Variants in SPMIP2 observed in about 807,000 individuals in gnomAD.
SPMIP2 encodes sperm microtubule inner protein 2, also known as protein SPMIP2.
the SPMIP2 span, among the ~76,000 whole-genome samples, chr4:159,015,621 T>C: frequency 6.6e-6 from 1 of 152,244 alleles, no homozygotes; most frequent in Non-Finnish European, 1.5e-5. Context: ...TCTATTCTAT[T>C]AGAAAAAAGA....
the SPMIP2 span, among the ~76,000 whole-genome samples, chr4:159,080,330 C>T: frequency 6.6e-6 from 1 of 152,100 alleles, no homozygotes; most frequent in South Asian, 2.1e-4. Flanking sequence ...GATCCTCCCA[C>T]CTCCACCTCC....
chr4:158,953,479 G>C, the SPMIP2 span, among the ~76,000 whole-genome samples: 2 of 152,250 alleles, frequency 1.3e-5, no homozygotes, highest in African/African-American at 4.8e-5. Context: ...CTGCAGGGGT[G>C]GGGTGCTCAT....
chr4:158,895,731 A>G, the SPMIP2 span: 4 of 1,491,926 alleles, frequency 2.7e-6, no homozygotes, highest in African/African-American at 1.4e-5. Flanking sequence ...CCTCATTGTG[A>G]ATGTTCTTGG....
the SPMIP2 span, among the ~76,000 whole-genome samples, chr4:158,992,609 A>T: frequency 6.6e-6 from 1 of 152,226 alleles, no homozygotes; most frequent in Non-Finnish European, 1.5e-5. Context: ...AGTAACTTGT[A>T]AAGAACAGAA....
the SPMIP2 span, among the ~76,000 whole-genome samples, chr4:158,974,641 T>G: frequency 3.2e-3 from 483 of 152,320 alleles, 1 homozygote; most frequent in African/African-American, 0.011. Flanking sequence ...ATGAACTCAT[T>G]CTTTTTTATG....
At chr4:158,975,068 C>T in the SPMIP2 span, among the ~76,000 whole-genome samples, 1 of 152,156 alleles carries the variant, frequency 6.6e-6, no homozygotes, top group Non-Finnish European at 1.5e-5. Context: ...TGATGATGAG[C>T]TTTTATTCAT....
the SPMIP2 span, among the ~76,000 whole-genome samples, chr4:158,981,970 T>C: frequency 4.3e-4 from 66 of 152,194 alleles, no homozygotes; most frequent in Middle Eastern, 3.4e-3. Flanking sequence ...GTGTGCTGTA[T>C]TCAGGAGACC....
the SPMIP2 span, chr4:159,026,433 C>A: frequency 1.0e-6 from 1 of 959,950 alleles, no homozygotes; most frequent in Non-Finnish European, 1.6e-6. Context: ...GGAAGAAAAG[C>A]ACAATAACAA....
the SPMIP2 span, among the ~76,000 whole-genome samples, chr4:159,065,264 A>G: frequency 6.6e-6 from 1 of 152,270 alleles, no homozygotes; most frequent in Non-Finnish European, 1.5e-5. Context: ...GATGGGGTAG[A>G]ATCTATTCTC....
the SPMIP2 span, among the ~76,000 whole-genome samples, chr4:158,944,001 G>A: frequency 2.5e-4 from 38 of 150,696 alleles, no homozygotes; most frequent in African/African-American, 7.3e-4. Context: ...GACTACAGGC[G>A]CCCGCCACCA....
the SPMIP2 span, among the ~76,000 whole-genome samples, chr4:158,953,513 T>C: frequency 1.3e-5 from 2 of 152,184 alleles, no homozygotes; most frequent in South Asian, 4.1e-4. Context: ...TGGAGCAGTG[T>C]GAAAGGGAAA....
the SPMIP2 span, among the ~76,000 whole-genome samples, chr4:158,945,356 C>T: frequency 1.3e-5 from 2 of 152,170 alleles, no homozygotes; most frequent in South Asian, 4.1e-4. Context: ...TATGTGCCCA[C>T]TCTCCCCCTA....
the SPMIP2 span, among the ~76,000 whole-genome samples, chr4:158,974,230 CAA>C: frequency 1.4e-3 from 209 of 148,034 alleles, no homozygotes; most frequent in African/African-American, 4.7e-3. Context: ...AAACAATGAA[CAA>C]AAAAAAAAAT....
the SPMIP2 span, among the ~76,000 whole-genome samples, chr4:159,081,393 T>C: frequency 6.6e-6 from 1 of 152,084 alleles, no homozygotes; most frequent in East Asian, 1.9e-4. Flanking sequence ...TAAATAATTT[T>C]GAGAATGTAA....
At chr4:158,927,398 CTTGAA>C in the SPMIP2 span, among the ~76,000 whole-genome samples, 1 of 152,178 alleles carries the variant, frequency 6.6e-6, no homozygotes, top group Admixed American at 6.5e-5. Flanking sequence ...ACAACGTATA[CTTGAA>C]TTATGTTTTC....
chr4:159,082,332 C>G, the SPMIP2 span, among the ~76,000 whole-genome samples: 1 of 150,802 alleles, frequency 6.6e-6, no homozygotes, highest in Admixed American at 6.6e-5. Context: ...GATTCCATCT[C>G]AAATAAATAA....
At chr4:159,076,923 C>T in the SPMIP2 span, among the ~76,000 whole-genome samples, 1 of 151,836 alleles carries the variant, frequency 6.6e-6, no homozygotes, top group Non-Finnish European at 1.5e-5. Context: ...GCAGCCTCCA[C>T]CTCCTAGGTT....
the SPMIP2 span, among the ~76,000 whole-genome samples, chr4:158,980,830 C>T: frequency 2.0e-5 from 3 of 152,192 alleles, no homozygotes; most frequent in East Asian, 1.9e-4. Context: ...TCCTTGCCAG[C>T]GAGGGAACAA....
the SPMIP2 span, among the ~76,000 whole-genome samples, chr4:158,928,770 C>T: frequency 6.6e-6 from 1 of 152,240 alleles, no homozygotes; most frequent in Non-Finnish European, 1.5e-5. Context: ...TGTAACACCG[C>T]TAAGGTCTGC....
Sources: gnomAD v4.1 joint callset for allele counts (sites outside exome capture counted in the v4.1 genomes callset) on GRCh38, gnomAD v4.1.1 for gene constraint, MANE v1.5 for transcripts, NCBI Gene and HGNC (gene_info 2026-07-23, HGNC 2026-07-21) for gene names.